The following RARB variants were observed in gnomAD, a reference collection of about 807,000 sequenced individuals.
RARB encodes HBV-activated protein.
A neutral mutation model predicts 51.9 loss-of-function variants in RARB; 17 were observed. The observed-to-expected ratio is 0.33, with a 90% CI of 0.22 to 0.49. The LOEUF (loss-of-function observed/expected upper bound fraction) is 0.49, where lower values mean the gene tolerates loss of function less well. Among genes scored for constraint, RARB ranks in the 20% least tolerant of loss-of-function variants. The probability of loss-of-function intolerance (pLI) is 0.99; values close to 1 mark genes in which losing one functional copy is unlikely to be tolerated. For missense variants in RARB, 369 were observed against 550.8 expected, an observed-to-expected ratio of 0.67 and a Z score of 3.30; for synonymous variants, 215 against 195.4, an observed-to-expected ratio of 1.10 and a Z score of -0.84.
At chr3:24,969,129 G>A (rs1157338551) in intron 2 of RARB, among the ~76,000 whole-genome samples, 2 of 152,032 alleles carry the variant, frequency 1.3e-5, no homozygotes. Context: ...TTCTGAAGTT[G>A]TATAAATCTA....
chr3:24,955,206 A>C (rs908215517), intron 2 of RARB, among the ~76,000 whole-genome samples: 2 of 152,176 alleles, frequency 1.3e-5, no homozygotes, highest in African/African-American at 4.8e-5. Context: ...TGTAAGAAGA[A>C]GGTAAAGCCC....
rs115419327 is a variant in RARB, at chr3:25,380,412, G to A, written c.179-80781G>A. 1.9e-3 allele frequency among the ~76,000 whole-genome samples: 293 copies of A among 152,306 alleles called. 1 individual carries two copies. The highest frequency in any genetic ancestry group is 6.9e-3 in the African/African-American group (286 of 41,578). ...ACTCGATCCCAGGGCAGAGCAAACA[G>A]CCTTAACTCAGGTTTAGTTTTTTAG... On this transcript the variant is annotated intron_variant, in intron 5 of 11. Transcript: ENST00000383772.
rs564973715 is a variant in RARB at position 25,071,636 on chromosome 3, G to C, written c.-328+11460G>C. Among the ~76,000 whole-genome samples, 5 of 152,338 alleles carry C rather than the reference G, an allele frequency of 3.3e-5. No homozygotes were observed. In the East Asian group the frequency reaches 9.6e-4, roughly 29 times the overall value. On this transcript the variant is annotated intron_variant, in intron 3 of 11. Transcript: ENST00000383772. ...TGTCACAGTATAATCAGTTGGCTGAGAGGAAGGAGAATAGTAATGAATTAT... is the reference window on the plus strand; with the variant it reads ...TGTCACAGTATAATCAGTTGGCTGACAGGAAGGAGAATAGTAATGAATTAT...
intron 2 of RARB, among the ~76,000 whole-genome samples, chr3:24,934,553 A>G (rs997845609): frequency 6.6e-6 from 1 of 152,100 alleles, no homozygotes; most frequent in African/African-American, 2.4e-5. Flanking sequence ...ATACCTGTTG[A>G]TAGAAATGTC....
chr3:25,303,489 A>G (rs1227050325), intron 5 of RARB, among the ~76,000 whole-genome samples: 1 of 152,160 alleles, frequency 6.6e-6, no homozygotes, highest in Admixed American at 6.6e-5. Context: ...AAAGGCCATG[A>G]CCGACTGAGT....
chr3:24,995,537 C>A (rs921391680), intron 2 of RARB, among the ~76,000 whole-genome samples: 2 of 151,944 alleles, frequency 1.3e-5, no homozygotes, highest in African/African-American at 2.4e-5. Flanking sequence ...GGCATTCTTA[C>A]GTTGTTTCAG....
chr3:25,345,869 A>G (rs1181406930), intron 5 of RARB: 28 of 906,062 alleles, frequency 3.1e-5, no homozygotes, highest in Non-Finnish European at 6.6e-6. Flanking sequence ...TCTTAAAACA[A>G]CCACCACTAA....
intron 5 of RARB, among the ~76,000 whole-genome samples, chr3:25,345,551 G>A (rs1705363696): frequency 6.6e-6 from 1 of 151,696 alleles, no homozygotes; most frequent in Non-Finnish European, 1.5e-5. Flanking sequence ...TGTAGTCCTA[G>A]CTACTCGGGA....
intron 2 of RARB, among the ~76,000 whole-genome samples, chr3:25,479,051 TTGTACCC>T (rs1696100526): frequency 6.6e-6 from 1 of 152,156 alleles, no homozygotes; most frequent in Non-Finnish European, 1.5e-5. Context: ...GGGCCTTTAA[TTGTACCC>T]TCTGGGAAGG....
intron 2 of RARB, among the ~76,000 whole-genome samples, chr3:24,922,250 A>C (rs575758026): frequency 2.4e-4 from 36 of 152,336 alleles, no homozygotes; most frequent in South Asian, 2.3e-3. Flanking sequence ...TGAATGAGGT[A>C]ATGTTTGTAA....
In RARB at chr3:25,144,169, A is replaced by G. The variant is rs537290748; in HGVS notation, c.-280+11961A>G. Among the ~76,000 whole-genome samples the G allele has an allele frequency of 2.0e-5, 3 of 152,312 alleles. No individual in the cohort carries two copies. The South Asian group carries it at 6.2e-4, about 32-fold the overall frequency. ...AGGTTTCCAGCCTCAAGGATTGTACATTCTTGCAGGGATGAATTAGATAAG... is the reference window on the plus strand; with the variant it reads ...AGGTTTCCAGCCTCAAGGATTGTACGTTCTTGCAGGGATGAATTAGATAAG... On this transcript the variant is annotated intron_variant, in intron 4 of 11. Transcript: ENST00000383772.
chr3:25,488,990 A>C (rs1051024166), intron 2 of RARB, among the ~76,000 whole-genome samples: 2 of 152,256 alleles, frequency 1.3e-5, no homozygotes, highest in Non-Finnish European at 2.9e-5. Flanking sequence ...TATGAAATGG[A>C]AAAGCAGAGA....
chr3:25,403,945 G>A (rs1016201009), intron 5 of RARB, among the ~76,000 whole-genome samples: 4 of 144,542 alleles, frequency 2.8e-5, no homozygotes, highest in African/African-American at 1.0e-4. Flanking sequence ...ATAGTTATAG[G>A]CCAAAGCTTC....
chr3:25,184,400 G>A (rs1369872), intron 5 of RARB, among the ~76,000 whole-genome samples: 3,362 of 152,142 alleles, frequency 0.022, 112 homozygotes, highest in African/African-American at 0.077. Flanking sequence ...ATGTGGTCCC[G>A]CGAGAAGTAC....
At chr3:25,280,196 T>G (rs1045938899) in intron 5 of RARB, among the ~76,000 whole-genome samples, 3 of 152,024 alleles carry the variant, frequency 2.0e-5, no homozygotes, top group Admixed American at 1.3e-4. Flanking sequence ...GACAAGAGGG[T>G]ATAATCTAAT....
At chr3:25,120,068 T>C (rs1559473474) in intron 3 of RARB, among the ~76,000 whole-genome samples, 1 of 152,142 alleles carries the variant, frequency 6.6e-6, no homozygotes, top group South Asian at 2.1e-4. Context: ...ATCCTGAGTG[T>C]GCAGGACAGG....
At chr3:25,418,590 G>T (rs1707771075) in intron 5 of RARB, among the ~76,000 whole-genome samples, 1 of 151,782 alleles carries the variant, frequency 6.6e-6, no homozygotes, top group Admixed American at 6.6e-5. Flanking sequence ...TCTGTAACTT[G>T]TCCATCTCAA....
chr3:25,048,764 T>TTA (rs1361330869), intron 2 of RARB, among the ~76,000 whole-genome samples: 1 of 146,390 alleles, frequency 6.8e-6, no homozygotes, highest in Admixed American at 6.8e-5. Flanking sequence ...TTTTTTTTTT[T>TTA]TTTTTTTTTG....
At chr3:24,830,708 G>A (rs1396840265) in intron 1 of RARB, among the ~76,000 whole-genome samples, 1 of 151,854 alleles carries the variant, frequency 6.6e-6, no homozygotes, top group Non-Finnish European at 1.5e-5. Flanking sequence ...TATCTGGAGG[G>A]GGTCCCTGTC....
Sources: gnomAD v4.1 joint callset for allele counts (sites outside exome capture counted in the v4.1 genomes callset) on GRCh38, gnomAD v4.1.1 for gene constraint, MANE v1.5 for transcripts, NCBI Gene and HGNC (gene_info 2026-07-23, HGNC 2026-07-21) for gene names.